EPHA4: variants seen among roughly 807,000 people sequenced by gnomAD.
EPHA4 encodes EPH receptor A4, also known as ephrin type-A receptor 4.
In EPHA4, 19 loss-of-function variants were observed where a neutral mutation model predicts 108.3. The ratio of observed to expected loss-of-function variants is 0.18; its 90% CI spans 0.12 to 0.26. The LOEUF (loss-of-function observed/expected upper bound fraction) is 0.26. EPHA4 is among the 10% of genes least tolerant of loss of function. The pLI is 1.00. For missense variants in EPHA4, 917 were observed against 1,254.0 expected, an observed-to-expected ratio of 0.73 and a Z score of 4.06; for synonymous variants, 449 against 455.5, an observed-to-expected ratio of 0.99 and a Z score of 0.18.
intron 5 of EPHA4, among the ~76,000 whole-genome samples, chr2:221,469,371 C>T (rs938034933): frequency 1.3e-5 from 2 of 152,110 alleles, no homozygotes; most frequent in African/African-American, 4.8e-5. Context: ...TATCTAATCA[C>T]TATAATACAC....
rs1693998143 is a variant in EPHA4 at position 221,546,370 on chromosome 2, A to T, written c.823+17361T>A. Among the ~76,000 whole-genome samples, 3 of 152,240 alleles carry T rather than the reference A, an allele frequency of 2.0e-5. No homozygotes were observed. In the South Asian group the frequency reaches 6.2e-4, roughly 32 times the overall value. ...TTTCTGAGCTTATTCTACCTTTAACACTACCAAGAAAGTAAGACTCAAAAA... is the reference window on the plus strand; with the variant it reads ...TTTCTGAGCTTATTCTACCTTTAACTCTACCAAGAAAGTAAGACTCAAAAA... On this transcript the variant is annotated intron_variant, in intron 3 of 17. Coordinates refer to ENST00000281821, the MANE Select transcript of EPHA4 (RefSeq NM_004438.5).
At chr2:221,573,249 T>A (rs1574672823), upstream of EPHA4, 2 of 152,310 alleles carry the variant, frequency 1.3e-5, no homozygotes, top group South Asian at 4.1e-4. This position sits in a 1 kb window ranked among gnomAD's most constrained non-coding sequence, Gnocchi z 4.5. Context: ...ACTGGGAAGC[T>A]GCCCGGAGCG....
At chr2:221,463,999 A>T (rs1691228920) in intron 5 of EPHA4, among the ~76,000 whole-genome samples, 2 of 152,182 alleles carry the variant, frequency 1.3e-5, no homozygotes, top group South Asian at 4.1e-4. Flanking sequence ...GAGCTAGGAA[A>T]TAAACAGATG....
At chr2:221,489,161 C>A (rs1452012141) in intron 4 of EPHA4, among the ~76,000 whole-genome samples, 1 of 152,128 alleles carries the variant, frequency 6.6e-6, no homozygotes, top group African/African-American at 2.4e-5. Context: ...CTACCTCACA[C>A]CCAAAGTCAG....
At chr2:221,443,392 C>T (rs1574567099) in intron 10 of EPHA4, 101 bp downstream of exon 10, 3 of 818,252 alleles carry the variant, frequency 3.7e-6, no homozygotes, top group Admixed American at 2.5e-5. Flanking sequence ...TGTATATACA[C>T]ACATATAATA....
intron 3 of EPHA4, among the ~76,000 whole-genome samples, chr2:221,517,375 T>C (rs1181407755): frequency 6.6e-6 from 1 of 152,208 alleles, no homozygotes. Flanking sequence ...CCACAGGCCC[T>C]TAACTCAGTG....
At chr2:221,505,742 T>C (rs1432506804) in intron 3 of EPHA4, among the ~76,000 whole-genome samples, 1 of 152,184 alleles carries the variant, frequency 6.6e-6, no homozygotes, top group African/African-American at 2.4e-5. Flanking sequence ...GCGTGTGTGC[T>C]GCCGTGTGCA....
intron 3 of EPHA4, among the ~76,000 whole-genome samples, chr2:221,529,642 C>T (rs1358576253): frequency 6.6e-6 from 1 of 152,134 alleles, no homozygotes; most frequent in African/African-American, 2.4e-5. Flanking sequence ...GTTATCTTTA[C>T]GCCTGGACTT....
intron 9 of EPHA4, among the ~76,000 whole-genome samples, chr2:221,445,630 C>T (rs2106108457): frequency 6.6e-6 from 1 of 150,584 alleles, no homozygotes; most frequent in Admixed American, 6.6e-5. Flanking sequence ...TTGCTTAAGT[C>T]ACTCTAGAGC....
chr2:221,438,588 G>C (rs1183016340), intron 11 of EPHA4, among the ~76,000 whole-genome samples: 1 of 152,096 alleles, frequency 6.6e-6, no homozygotes, highest in Non-Finnish European at 1.5e-5. Flanking sequence ...AGGGGTTTGA[G>C]ACCAGCCTAG....
intron 11 of EPHA4, 177 bp from the exon 12 acceptor site, chr2:221,437,299 C>T (rs751806013): frequency 7.8e-5 from 40 of 512,330 alleles, no homozygotes; most frequent in East Asian, 7.2e-4. Context: ...ATTAAAAGGA[C>T]GAGTAGGTTT....
At chr2:221,508,679 TG>T (rs1203145820) in intron 3 of EPHA4, among the ~76,000 whole-genome samples, 1 of 152,114 alleles carries the variant, frequency 6.6e-6, no homozygotes, top group African/African-American at 2.4e-5. Flanking sequence ...GAATGTGCCC[TG>T]TATTGCCCCC....
chr2:221,564,032 C>G lies in EPHA4; in HGVS notation c.522G>C (p.Gly174=). The change falls in exon 3 of 18, where the codon GGG becomes GGC. Residue 174 remains glycine (G), a synonymous_variant. Coordinates refer to ENST00000281821, the MANE Select transcript of EPHA4 (RefSeq NM_004438.5). ...GGTAAAACCCCTTTTTGCTTAATGGCCCTACATCCCGGATCTCGGTGTTCA... is the reference window on the plus strand; with the variant it reads ...GGTAAAACCCCTTTTTGCTTAATGGGCCTACATCCCGGATCTCGGTGTTCA... The part of the protein sequence containing the change: ...MKLNTEIRDV[G]PLSKKGFYLA... The G allele has an allele frequency of 6.2e-7, 1 of 1,613,968 alleles. No individual in the cohort carries two copies. Among genetic ancestry groups the G allele is most frequent in the South Asian group, 1.1e-5 (1 of 91,056 alleles).
chr2:221,474,331 A>G (rs1691593277), intron 5 of EPHA4, among the ~76,000 whole-genome samples: 1 of 151,948 alleles, frequency 6.6e-6, no homozygotes, highest in Non-Finnish European at 1.5e-5. Flanking sequence ...GATCATAATT[A>G]GTGAGTATGC....
rs115872816 is a variant in EPHA4, at chr2:221,507,532, T to C, written c.824-6360A>G. Among the ~76,000 whole-genome samples, 1,266 of 152,290 alleles carry C rather than the reference T, an allele frequency of 8.3e-3. 20 individuals are homozygous for C. The highest frequency in any genetic ancestry group is 0.029 in the African/African-American group (1,199 of 41,568). ...GAGGATCCTGGGCTTAAACTGTTTT[T>C]GTCTATGAAATGAAAGAATGATACT... On this transcript the variant is annotated intron_variant, in intron 3 of 17. Coordinates refer to ENST00000281821, the MANE Select transcript of EPHA4 (RefSeq NM_004438.5).
rs570789177 is a variant in EPHA4 at position 221,502,207 on chromosome 2, C to T, written c.824-1035G>A. Among the ~76,000 whole-genome samples, 6 of 152,208 alleles carry T rather than the reference C, an allele frequency of 3.9e-5. No individual in the cohort carries two copies. The South Asian group carries it at 1.0e-3, about 26-fold the overall frequency. On this transcript the variant is annotated intron_variant, in intron 3 of 17. Transcript: ENST00000281821. ...TGACTACTTGCTCCCCACTCTTTTT[C>T]CTTCCCCCATGGCCTTTCATGATCG...
intron 3 of EPHA4, among the ~76,000 whole-genome samples, chr2:221,512,872 G>C (rs1692869719): frequency 6.6e-6 from 1 of 152,212 alleles, no homozygotes; most frequent in Non-Finnish European, 1.5e-5. Flanking sequence ...ATATGAGGCT[G>C]TTCCCTTCAG....
intron 2 of EPHA4, 46 bp downstream of exon 2, chr2:221,568,672 T>A: frequency 6.6e-6 from 10 of 1,521,970 alleles, no homozygotes; most frequent in Non-Finnish European, 9.0e-6. Context: ...AAGTTGCTAA[T>A]CACTCCTTTT....
At chr2:221,462,408 G>A (rs1380754939) in intron 5 of EPHA4, among the ~76,000 whole-genome samples, 1 of 151,784 alleles carries the variant, frequency 6.6e-6, no homozygotes, top group Non-Finnish European at 1.5e-5. Context: ...GATTTCAGCA[G>A]TTTTTAACCC....
Sources: allele counts gnomAD v4.1 joint callset (sites outside exome capture counted in the v4.1 genomes callset), GRCh38; gene constraint gnomAD v4.1.1; non-coding constraint Gnocchi (gnomAD v3.1); transcripts MANE v1.5; gene names NCBI Gene and HGNC (gene_info 2026-07-23, HGNC 2026-07-21).